SGCD: variants seen among roughly 807,000 people sequenced by gnomAD.
SGCD encodes the protein sarcoglycan delta, also known as delta-sarcoglycan.
Under a neutral mutation model 36.6 loss-of-function variants are expected in SGCD, and 18 were observed. The ratio of observed to expected loss-of-function variants is 0.49; its 90% CI spans 0.34 to 0.73. The LOEUF is 0.73. Ranked by LOEUF, SGCD falls within the 30% of genes least tolerant of loss-of-function variation. The pLI, the probability that SGCD is intolerant of heterozygous loss-of-function variation, is 0.01. For synonymous variants in SGCD, 133 were observed against 130.6 expected (o/e 1.02, Z -0.12); for missense variants, 387 against 346.7 (o/e 1.12, Z -0.92).
chr5:155,921,710 A>T (rs1365400244), intron 1 of SGCD, among the ~76,000 whole-genome samples: 1 of 152,206 alleles, frequency 6.6e-6, no homozygotes, highest in Non-Finnish European at 1.5e-5. Context: ...TTCAAAAACT[A>T]TATAATAAAC....
intron 2 of SGCD, among the ~76,000 whole-genome samples, chr5:156,342,076 A>G (rs1167852804): frequency 6.6e-6 from 1 of 152,232 alleles, no homozygotes; most frequent in Non-Finnish European, 1.5e-5. Context: ...GAGAACCCTT[A>G]GTCAAGAGAA....
In SGCD at chr5:156,459,915, A is replaced by G. The variant is rs571684031; in HGVS notation, c.193-48686A>G. Reference sequence around the variant, plus strand: ...AGATTTCATGCTCATTTACAGGGAAATCTTCTTTAGATAACCCCTCCTCCT... The same window carrying G: ...AGATTTCATGCTCATTTACAGGGAAGTCTTCTTTAGATAACCCCTCCTCCT... On this transcript the variant is annotated intron_variant, in intron 3 of 8. Transcript: ENST00000337851. Among the ~76,000 whole-genome samples the G allele has an allele frequency of 2.0e-5, 3 of 152,246 alleles. No individual in the cohort carries two copies. In the South Asian group the frequency reaches 6.2e-4, roughly 32 times the overall value.
At chr5:156,681,531 C>A (rs1344214015) in intron 7 of SGCD, among the ~76,000 whole-genome samples, 1 of 152,138 alleles carries the variant, frequency 6.6e-6, no homozygotes, top group African/African-American at 2.4e-5. Context: ...CTTAGTGCTG[C>A]GGTTCCAGGC....
intron 4 of SGCD, among the ~76,000 whole-genome samples, chr5:156,579,335 TG>T (rs892940682): frequency 1.3e-5 from 2 of 152,212 alleles, no homozygotes; most frequent in Non-Finnish European, 2.9e-5. Context: ...TTTCCAATTA[TG>T]TGGTCAATTT....
intron 1 of SGCD, among the ~76,000 whole-genome samples, chr5:155,939,439 G>A (rs184628944): frequency 6.6e-6 from 1 of 151,852 alleles, no homozygotes; most frequent in Non-Finnish European, 1.5e-5. Context: ...TCAGGAGTTC[G>A]AGACAAGCCT....
At chr5:155,929,142 C>T (rs1757051300) in intron 1 of SGCD, among the ~76,000 whole-genome samples, 1 of 152,030 alleles carries the variant, frequency 6.6e-6, no homozygotes. Flanking sequence ...GTTTTAGTGA[C>T]TTTTTTTCTG....
intron 7 of SGCD, among the ~76,000 whole-genome samples, chr5:156,729,135 T>A (rs1310454666): frequency 1.3e-5 from 2 of 152,250 alleles, no homozygotes; most frequent in African/African-American, 2.4e-5. Context: ...CAGAGATATC[T>A]GTACCATGTA....
At chr5:155,954,364 A>C (rs1441465219) in intron 1 of SGCD, among the ~76,000 whole-genome samples, 1 of 152,150 alleles carries the variant, frequency 6.6e-6, no homozygotes, top group Non-Finnish European at 1.5e-5. Context: ...CACACTTCAC[A>C]CAAAGCAGCA....
the SGCD span, among the ~76,000 whole-genome samples, chr5:155,774,560 A>G: frequency 1.3e-5 from 2 of 152,248 alleles, no homozygotes; most frequent in Admixed American, 1.3e-4. Context: ...GGGAAAATCC[A>G]TGTTCCTGGC....
intron 3 of SGCD, among the ~76,000 whole-genome samples, chr5:156,181,763 A>G (rs1398726128): frequency 3.3e-5 from 5 of 152,198 alleles, no homozygotes; most frequent in African/African-American, 9.7e-5. Flanking sequence ...CAGCAAGTCA[A>G]TGGTTAGGAG....
chr5:156,108,347 G>A (rs1761700019), intron 1 of SGCD, among the ~76,000 whole-genome samples: 1 of 152,122 alleles, frequency 6.6e-6, no homozygotes, highest in Non-Finnish European at 1.5e-5. Context: ...TAGAATCAGT[G>A]GCTAGGAACT....
intron 4 of SGCD, among the ~76,000 whole-genome samples, chr5:156,516,358 C>T (rs1014796845): frequency 3.9e-5 from 6 of 152,320 alleles, no homozygotes; most frequent in Non-Finnish European, 1.5e-5. Context: ...GTTCTGCAGA[C>T]TCCACTGGTG....
chr5:156,243,367 T>A (rs1026948784), intron 3 of SGCD, among the ~76,000 whole-genome samples: 4 of 152,264 alleles, frequency 2.6e-5, no homozygotes, highest in East Asian at 1.9e-4. Context: ...ATGACAGTGA[T>A]GGGAGATTGT....
At chr5:156,604,746 A>G (rs978019933) in intron 6 of SGCD, among the ~76,000 whole-genome samples, 9 of 148,706 alleles carry the variant, frequency 6.1e-5, no homozygotes, top group Admixed American at 2.0e-4. Flanking sequence ...ATATACATAT[A>G]TACACATTTT....
chr5:156,158,056 T>G (rs1763005121), intron 3 of SGCD, among the ~76,000 whole-genome samples: 1 of 149,686 alleles, frequency 6.7e-6, no homozygotes, highest in Non-Finnish European at 1.5e-5. Context: ...AATTGGTTTT[T>G]TGCTTTTTTT....
intron 3 of SGCD, among the ~76,000 whole-genome samples, chr5:156,185,529 A>C (rs913730886): frequency 3.3e-5 from 5 of 151,736 alleles, no homozygotes; most frequent in African/African-American, 1.2e-4. Context: ...TAATTTTTTT[A>C]ATCCTCTGTA....
At chr5:156,139,533 T>G (rs536879851) in intron 3 of SGCD, among the ~76,000 whole-genome samples, 1 of 152,196 alleles carries the variant, frequency 6.6e-6, no homozygotes, top group South Asian at 2.1e-4. Flanking sequence ...TAGGAAATGC[T>G]TTGTCTCTCT....
At chr5:155,911,145 C>T (rs975239288) in intron 1 of SGCD, among the ~76,000 whole-genome samples, 2 of 152,018 alleles carry the variant, frequency 1.3e-5, no homozygotes, top group Non-Finnish European at 2.9e-5. Context: ...TTAATAGTGT[C>T]TCAAAGTATC....
At position 156,050,187 on chromosome 5, in the gene SGCD, C is replaced by T. The variant is rs1374653357; in HGVS notation, c.-281-67691C>T. On this transcript the variant is annotated intron_variant, in intron 1 of 9. Transcript: ENST00000517913. ...GAGAAATCTTTCACGAAAAGAAGAA[C>T]CAACTGATGCTACAGAATTCATTGT... Among the ~76,000 whole-genome samples the T allele has an allele frequency of 1.4e-5, 2 of 146,250 alleles. 1 individual carries two copies. Among genetic ancestry groups the T allele is most frequent in the Non-Finnish European group, 3.1e-5 (2 of 64,948 alleles).
Sources: gnomAD v4.1 joint callset for allele counts (sites outside exome capture counted in the v4.1 genomes callset) on GRCh38, gnomAD v4.1.1 for gene constraint, MANE v1.5 for transcripts, NCBI Gene and HGNC (gene_info 2026-07-23, HGNC 2026-07-21) for gene names.